Variants in AVIL observed in about 807,000 individuals in gnomAD.
The protein encoded by AVIL is advillin.
A neutral mutation model predicts 109.9 loss-of-function variants in AVIL; 78 were observed. That is an observed-to-expected ratio of 0.71 (90% CI 0.59 to 0.86). The LOEUF (loss-of-function observed/expected upper bound fraction) is 0.86. Among genes scored for constraint, AVIL ranks in the 40% least tolerant of loss-of-function variants. The pLI is 0.00. For synonymous variants in AVIL, 367 were observed against 379.1 expected (o/e 0.97, Z 0.37); for missense variants, 892 against 1,016.5 (o/e 0.88, Z 1.67).
rs1039029915 is a variant in AVIL at position 57,818,626 on chromosome 12, T to C, written c.-20+3A>G. The C allele has an allele frequency of 6.6e-6, 1 of 152,230 alleles. No individual in the cohort carries two copies. Among genetic ancestry groups the C allele is most frequent in the African/African-American group, 2.4e-5 (1 of 41,454 alleles). The allele number at this position is 152,230 out of a possible 1,614,324, so 9.4% of individuals were successfully genotyped here. On this transcript the variant is annotated splice_donor_region_variant and intron_variant, in intron 1 of 19. Transcript: ENST00000549994. ...GCATGCCCCCGTAAATCAGAGACCT[T>C]ACCTTGCCTTCTCGCTCACCAGCCT...
intron 1 of AVIL, among the ~76,000 whole-genome samples, chr12:57,816,878 C>T (rs984237268): frequency 1.3e-5 from 2 of 151,938 alleles, no homozygotes; most frequent in South Asian, 2.1e-4. Flanking sequence ...GTCTGGCCTG[C>T]GGACAGATGG....
At chr12:57,803,821 T>G (rs1470915148) in intron 14 of AVIL, 152 bp from the exon 15 acceptor site, 1 of 1,070,706 alleles carries the variant, frequency 9.3e-7, no homozygotes, top group African/African-American at 1.6e-5. Flanking sequence ...TTTGTTCTAG[T>G]GCTGGGGAGT....
Position 57,814,190 on chromosome 12 carries a change from C to T in AVIL, c.103G>A (p.Gly35Ser), listed in dbSNP as rs781651756. The T allele has an allele frequency of 4.6e-5, 75 of 1,613,010 alleles. No homozygotes were observed. Among genetic ancestry groups the T allele is most frequent in the Non-Finnish European group, 6.0e-5 (71 of 1,179,772 alleles). ...ELALVPVSAH[G>S]NFYEGDCYVI... ...TAGCAGTCCCCCTCATAGAAGTTGC[C>T]GTGGGCGCTCACAGGCACCAGCGCC... Residue 35 changes from glycine to serine, a missense_variant, in exon 3 of 20, where the codon GGC becomes AGC. Gly to Ser is a moderately conservative substitution (Grantham distance 56, BLOSUM62 0). Coordinates refer to ENST00000549994, the MANE Select transcript of AVIL (RefSeq NM_006576.4).
Position 57,797,557 on chromosome 12 carries a change from C to T in AVIL, c.*325G>A. ...AGGTAGGTCCTGGTATAATATTAAA[C>T]ATAAAGTTATTAAACATTTTAAGCA... On this transcript the variant is annotated 3_prime_UTR_variant, in exon 20 of 20. Transcript: ENST00000549994. 2.2e-6 allele frequency: 2 copies of T among 911,944 alleles called. No homozygotes were observed. Among genetic ancestry groups the T allele is most frequent in the African/African-American group, 1.8e-5 (1 of 55,796 alleles). The allele number at this position is 911,944 out of a possible 1,614,324, so 56.5% of individuals were successfully genotyped here. A position where few individuals can be genotyped will look rare whatever the true frequency, so the allele number is the denominator to read the frequency against.
At chr12:57,814,119 G>C in intron 3 of AVIL, 33 bp downstream of exon 3, 1 of 1,609,112 alleles carries the variant, frequency 6.2e-7, no homozygotes, top group Non-Finnish European at 8.5e-7. Context: ...CCCCAGGGGA[G>C]AGGCTCACAG....
At chr12:57,815,741 GT>G in intron 2 of AVIL, 1 of 1,426,672 alleles carries the variant, frequency 7.0e-7, no homozygotes. Flanking sequence ...GGACAAGCCT[GT>G]TTTTGTCTGG....
At chr12:57,806,935 T>G (rs902524525) in intron 13 of AVIL, among the ~76,000 whole-genome samples, 1 of 152,186 alleles carries the variant, frequency 6.6e-6, no homozygotes, top group Non-Finnish European at 1.5e-5. Flanking sequence ...TTGGTAGTGC[T>G]TCAGCCAGGG....
chr12:57,803,675 A>C lies in AVIL; in HGVS notation c.1672-6T>G. 6.2e-7 allele frequency: 1 copy of C among 1,613,668 alleles called. No individual in the cohort carries two copies. The highest frequency in any genetic ancestry group is 2.2e-5 in the East Asian group (1 of 44,870). ...CGCTCATCCCCACTAGACCCCTGAG[A>C]GTGGGGCGAGGAGAGCACAGATGTT... On this transcript the variant is annotated splice_polypyrimidine_tract_variant and splice_region_variant and intron_variant, in intron 14 of 19. Transcript: ENST00000549994.
chr12:57,815,507 G>T, intron 2 of AVIL: 1 of 1,115,478 alleles, frequency 9.0e-7, no homozygotes, highest in Non-Finnish European at 1.1e-6. Context: ...GGAGCTCACA[G>T]CCGCACAGAG....
chr12:57,812,033 C>T (rs758857081), intron 4 of AVIL, among the ~76,000 whole-genome samples: 3 of 152,090 alleles, frequency 2.0e-5, no homozygotes, highest in Non-Finnish European at 4.4e-5. Context: ...CTCTGTCACT[C>T]AGGCTAGAGT....
In AVIL at chr12:57,803,591, C is replaced by T. The variant is rs143313987; in HGVS notation, c.1750G>A (p.Glu584Lys). 7.5e-5 allele frequency: 121 copies of T among 1,614,130 alleles called. No individual in the cohort carries two copies. The South Asian group carries it at 9.6e-4, about 13-fold the overall frequency. The change falls in exon 15 of 20, where the codon GAG (glutamate) becomes AAG (lysine). Residue 584 changes from glutamate (E) to lysine (K), a missense_variant. By Grantham distance (56) the Glu-to-Lys change is moderately conservative. Transcript: ENST00000549994. ...LCDGSENTVA[E>K]GQEPAEFWDL... Reference sequence around the variant, plus strand: ...CAGAACTCGGCTGGCTCCTGGCCCTCGGCCACAGTGTTCTCGCTGCCATCA... The same window carrying T: ...CAGAACTCGGCTGGCTCCTGGCCCTTGGCCACAGTGTTCTCGCTGCCATCA...
chr12:57,807,823 G>A lies in AVIL; in HGVS notation c.1195-96C>T, dbSNP rs751702850. 8.6e-6 allele frequency: 13 copies of A among 1,519,160 alleles called. No individual in the cohort carries two copies. The Admixed American group carries it at 1.0e-4, about 12-fold the overall frequency. The allele number at this position is 1,519,160 out of a possible 1,614,324, so 94.1% of individuals were successfully genotyped here. A position where few individuals can be genotyped will look rare whatever the true frequency, so the allele number is the denominator to read the frequency against. ...GAATCCAGGTGGGAAAGGTGCTGACGTTTACTCCATGTTCCCTTTCTCCCT... is the reference window on the plus strand; with the variant it reads ...GAATCCAGGTGGGAAAGGTGCTGACATTTACTCCATGTTCCCTTTCTCCCT... On this transcript the variant is annotated intron_variant, in intron 11 of 19. Transcript: ENST00000549994.
chr12:57,807,333 C>A lies in AVIL; in HGVS notation c.1489G>T (p.Glu497Ter). 1 of 1,614,174 alleles carries A rather than the reference C, an allele frequency of 6.2e-7. No homozygotes were observed. Residue 497 changes from glutamate to a stop codon, truncating the protein, a stop_gained and splice_region_variant, in exon 13 of 20, where the codon GAG becomes TAG. Coordinates refer to ENST00000549994, the MANE Select transcript of AVIL (RefSeq NM_006576.4). LOFTEE classifies it high-confidence loss of function. ...TAATTTTATCAGAGCATCCTCACCT[C>A]AAAGATAACTAGCTTCCCTTTGAAG... is the stretch of plus-strand genomic sequence containing the variant. ...AIFKGKLVIF[E>*]GGTSRKGNAE...
chr12:57,815,442 C>T (rs144411711), intron 2 of AVIL: 7 of 540,798 alleles, frequency 1.3e-5, no homozygotes, highest in Admixed American at 4.7e-5. Flanking sequence ...GGGGAATCCT[C>T]GTATCTGGCA....
intron 1 of AVIL, 61 bp from the exon 2 acceptor site, chr12:57,816,120 G>A (rs1170215902): frequency 7.0e-7 from 1 of 1,418,684 alleles, no homozygotes; most frequent in Non-Finnish European, 9.7e-7. Flanking sequence ...CATCAATCCA[G>A]TTTTTCTGCC....
In AVIL at chr12:57,797,644, T is replaced by C; in HGVS notation, c.*238A>G. On this transcript the variant is annotated 3_prime_UTR_variant, in exon 20 of 20. Coordinates refer to ENST00000549994, the MANE Select transcript of AVIL (RefSeq NM_006576.4). ...TTTATGCAGTTTTAGTGCTTTCTGC[T>C]GAGGCTTTAGCTAGAGGGCCACAAA... The C allele has an allele frequency of 1.2e-6, 1 of 865,386 alleles. No individual in the cohort carries two copies. Among genetic ancestry groups the C allele is most frequent in the Non-Finnish European group, 1.4e-6 (1 of 697,252 alleles). The allele number at this position is 865,386 out of a possible 1,614,324, so 53.6% of individuals were successfully genotyped here.
In AVIL at chr12:57,807,389, A is replaced by G; in HGVS notation, c.1433T>C (p.Met478Thr). Reference sequence around the variant, plus strand: ...CATGAAGTGGCGTGGCTCCGTTCCCATCCTGACTCGAACCTGCACAGCAGC... The same window carrying G: ...CATGAAGTGGCGTGGCTCCGTTCCCGTCCTGACTCGAACCTGCACAGCAGC... ...DGAAVQVRVR[M>T]GTEPRHFMAI... The change falls in exon 13 of 20, where the codon ATG (methionine) becomes ACG (threonine). Residue 478 changes from methionine to threonine, a missense_variant. Coordinates refer to ENST00000549994, the MANE Select transcript of AVIL (RefSeq NM_006576.4). 3 of 1,614,226 alleles carry G rather than the reference A, an allele frequency of 1.9e-6. No homozygotes were observed. The highest frequency in any genetic ancestry group is 2.5e-6 in the Non-Finnish European group (3 of 1,180,036).
intron 14 of AVIL, 150 bp from the exon 15 acceptor site, chr12:57,803,819 A>C (rs1658854554): frequency 2.8e-6 from 3 of 1,067,952 alleles, no homozygotes; most frequent in Middle Eastern, 6.3e-4. Flanking sequence ...AGTTTGTTCT[A>C]GTGCTGGGGA....
rs4760328 is a variant in AVIL at position 57,818,087 on chromosome 12, C to T, written c.-20+542G>A. ...AGGCTGGAGTGCAGTGGTACAATCA[C>T]GGCTCACTGCAACCGCCACCTCCTG... On this transcript the variant is annotated intron_variant, in intron 1 of 19. Coordinates refer to ENST00000549994, the MANE Select transcript of AVIL (RefSeq NM_006576.4). 4.0e-3 allele frequency among the ~76,000 whole-genome samples: 603 copies of T among 151,196 alleles called. 17 individuals carry two copies. In the South Asian group the frequency reaches 0.07, roughly 18 times the overall value.
Sources: gnomAD v4.1 joint callset for allele counts (sites outside exome capture counted in the v4.1 genomes callset) on GRCh38, gnomAD v4.1.1 for gene constraint, MANE v1.5 for transcripts, NCBI Gene and HGNC (gene_info 2026-07-23, HGNC 2026-07-21) for gene names.